The following PIEZO2 variants were observed in gnomAD, a reference collection of about 807,000 sequenced individuals.
PIEZO2 encodes the protein piezo-type mechanosensitive ion channel component 2.
PIEZO2 carries 172 observed loss-of-function variants against 337.3 expected under a neutral mutation model. That is an observed-to-expected ratio of 0.51 (90% CI 0.45 to 0.58). The LOEUF (loss-of-function observed/expected upper bound fraction) is 0.58, where lower values mean the gene tolerates loss of function less well. Among genes scored for constraint, PIEZO2 ranks in the 20% least tolerant of loss-of-function variants. The pLI, the probability that PIEZO2 is intolerant of heterozygous loss-of-function variation, is 0.00. For synonymous variants in PIEZO2, 1,251 were observed against 1,228.5 expected, an observed-to-expected ratio of 1.02 and a Z score of -0.38; for missense variants, 3,028 against 3,391.3, an observed-to-expected ratio of 0.89 and a Z score of 2.66.
chr18:10,731,215 A>ATATATCTATC (rs1290190163), intron 36 of PIEZO2, among the ~76,000 whole-genome samples, 192 bp downstream of exon 36: 1 of 128,722 alleles, frequency 7.8e-6, no homozygotes, highest in African/African-American at 2.9e-5. Context: ...ATATATATAT[A>ATATATCTATC]TATCTCCTAA....
At position 11,070,726 on chromosome 18, in the gene PIEZO2, C is replaced by T. The variant is rs891194840; in HGVS notation, c.65-4504G>A. On this transcript the variant is annotated intron_variant, in intron 1 of 55. Transcript: ENST00000674853. This position sits in a 1 kb window ranked among gnomAD's most constrained non-coding sequence, Gnocchi z 4.3. ...AGTCAACCTATGGAAGTGCAGTGAACGTGCTGCCACAACCAGGAAGCTGGA... is the reference window on the plus strand; with the variant it reads ...AGTCAACCTATGGAAGTGCAGTGAATGTGCTGCCACAACCAGGAAGCTGGA... 3.3e-5 allele frequency among the ~76,000 whole-genome samples: 5 copies of T among 152,172 alleles called. No homozygotes were observed. The highest frequency in any genetic ancestry group is 4.1e-4 in the South Asian group (2 of 4,826).
rs959175440 is a variant in PIEZO2, at chr18:11,009,897, G to A, written c.161-30237C>T. On this transcript the variant is annotated intron_variant, in intron 2 of 55. Transcript: ENST00000674853. The surrounding 1 kb of genome is among the most constrained non-coding windows in gnomAD (Gnocchi z 4.6). ...AAGACAGCCATCTGCGAGCCAAAGA[G>A]AGAGGCCTCAGGAGAAACCAAGCCT... Among the ~76,000 whole-genome samples, 1 of 152,120 alleles carries A rather than the reference G, an allele frequency of 6.6e-6. No individual in the cohort carries two copies. The highest frequency in any genetic ancestry group is 2.4e-5 in the African/African-American group (1 of 41,422).
At chr18:10,887,731 A>T (rs964340645) in intron 4 of PIEZO2, among the ~76,000 whole-genome samples, 20 of 152,292 alleles carry the variant, frequency 1.3e-4, no homozygotes, top group Admixed American at 1.2e-3. Context: ...ATTCTGGGAC[A>T]ACTCCTCAGT....
intron 48 of PIEZO2, 66 bp downstream of exon 48, chr18:10,691,159 A>G: frequency 2.0e-6 from 3 of 1,526,998 alleles, no homozygotes; most frequent in South Asian, 1.2e-5. Flanking sequence ...CCCAGTTGGG[A>G]ATCAAAATGC....
Position 10,677,808 on chromosome 18 carries a change from T to TA in PIEZO2, c.8019dup (p.Thr2674TyrfsTer7), listed in dbSNP as rs1567938176. 6.2e-7 allele frequency: 1 copy of TA among 1,611,062 alleles called. No homozygotes were observed. Among genetic ancestry groups the TA allele is most frequent in the Non-Finnish European group, 8.5e-7 (1 of 1,179,412 alleles). ...ATCATTTTAGCGATATTCTTTCGAG[T>TA]AATATTTTTAAGAGGAAAAGAAAGC... On this transcript the variant is annotated frameshift_variant, in exon 53 of 56. Transcript: ENST00000674853. LOFTEE classifies it high-confidence loss of function. The surrounding 1 kb of genome is among the most constrained non-coding windows in gnomAD (Gnocchi z 4.1).
rs1388273793 is a variant in PIEZO2, at chr18:10,775,722, C to A, written c.2535-1684G>T. On this transcript the variant is annotated intron_variant, in intron 18 of 55. Coordinates refer to ENST00000674853, the MANE Select transcript of PIEZO2 (RefSeq NM_001378183.1). The surrounding 1 kb of genome is among the most constrained non-coding windows in gnomAD (Gnocchi z 4.3). ...TCAATGAAAGAATCAGAGGAAGACA[C>A]TGGAGTAAGCCTTTTGGAAGTAGGT... Among the ~76,000 whole-genome samples the A allele has an allele frequency of 6.6e-6, 1 of 152,102 alleles. No individual in the cohort carries two copies. The highest frequency in any genetic ancestry group is 2.4e-5 in the African/African-American group (1 of 41,408).
At position 11,009,900 on chromosome 18, in the gene PIEZO2, AG is replaced by A. The variant is rs1465190502; in HGVS notation, c.161-30241del. ...ACAGCCATCTGCGAGCCAAAGAGAG[AG>A]GCCTCAGGAGAAACCAAGCCTCAAG... On this transcript the variant is annotated intron_variant, in intron 2 of 55. Coordinates refer to ENST00000674853, the MANE Select transcript of PIEZO2 (RefSeq NM_001378183.1). The surrounding 1 kb of genome is among the most constrained non-coding windows in gnomAD (Gnocchi z 4.6). Among the ~76,000 whole-genome samples the A allele has an allele frequency of 1.3e-5, 2 of 152,162 alleles. No individual in the cohort carries two copies. The highest frequency in any genetic ancestry group is 1.3e-4 in the Admixed American group (2 of 15,280).
rs1335789146 is a variant in PIEZO2, at chr18:10,674,973, G to A, written c.8161+236C>T. ...ATCAGTACTATAAGAAATTTGGTGC[G>A]AATATACGTCAATCAAGTTCCATAT... On this transcript the variant is annotated intron_variant, in intron 54 of 55. Coordinates refer to ENST00000674853, the MANE Select transcript of PIEZO2 (RefSeq NM_001378183.1). 4.6e-5 allele frequency among the ~76,000 whole-genome samples: 7 copies of A among 152,150 alleles called. No homozygotes were observed. In the South Asian group the frequency reaches 6.2e-4, roughly 14 times the overall value.
intron 32 of PIEZO2, among the ~76,000 whole-genome samples, chr18:10,742,155 A>T (rs921133748): frequency 4.6e-5 from 7 of 151,932 alleles, no homozygotes; most frequent in Non-Finnish European, 1.0e-4. Flanking sequence ...ACTCCGTCTC[A>T]AAAACAAAAC....
chr18:11,108,192 T>G (rs1234523498), intron 1 of PIEZO2, among the ~76,000 whole-genome samples: 1 of 152,148 alleles, frequency 6.6e-6, no homozygotes, highest in Non-Finnish European at 1.5e-5. Flanking sequence ...CAAAAAAAAG[T>G]GCCTCAAATT....
At chr18:10,948,845 C>T (rs1032065311) in intron 3 of PIEZO2, among the ~76,000 whole-genome samples, 1 of 152,136 alleles carries the variant, frequency 6.6e-6, no homozygotes, top group Admixed American at 6.6e-5. Context: ...TACACAAATA[C>T]ATTAAATGGT....
At chr18:10,725,556 G>A (rs367799109) in intron 36 of PIEZO2, 28 of 1,373,922 alleles carry the variant, frequency 2.0e-5, no homozygotes, top group Middle Eastern at 2.7e-4. Flanking sequence ...TCCCCCTTTT[G>A]TTTCTCCCCT....
At chr18:10,907,133 A>T (rs1431876733) in intron 4 of PIEZO2, among the ~76,000 whole-genome samples, 2 of 152,214 alleles carry the variant, frequency 1.3e-5, no homozygotes, top group Non-Finnish European at 2.9e-5. Context: ...CCATAAGAAC[A>T]GCATTAATCA....
Position 11,112,758 on chromosome 18 carries a change from G to A in PIEZO2, c.64+35767C>T, listed in dbSNP as rs954625393. 6.6e-6 allele frequency among the ~76,000 whole-genome samples: 1 copy of A among 152,178 alleles called. No individual in the cohort carries two copies. The highest frequency in any genetic ancestry group is 2.1e-4 in the South Asian group (1 of 4,822). ...GAGAAATGCATAATGCCACAGGACT[G>A]AACTGAAAATGTGGGCTCCTTCTCT... On this transcript the variant is annotated intron_variant, in intron 1 of 55. Transcript: ENST00000674853. This position sits in a 1 kb window ranked among gnomAD's most constrained non-coding sequence, Gnocchi z 4.3.
intron 45 of PIEZO2, 141 bp downstream of exon 45, chr18:10,697,607 G>T: frequency 9.1e-7 from 1 of 1,096,006 alleles, no homozygotes; most frequent in Non-Finnish European, 1.3e-6. Flanking sequence ...AAGACAAAAA[G>T]GGGTAATTTC....
intron 2 of PIEZO2, among the ~76,000 whole-genome samples, chr18:10,994,531 T>C (rs966426540): frequency 6.6e-6 from 1 of 151,306 alleles, no homozygotes; most frequent in African/African-American, 2.4e-5. Flanking sequence ...TGCCTCACCC[T>C]CCCAAGTAGC....
Position 10,828,443 on chromosome 18 carries a change from T to C in PIEZO2, c.918-21169A>G, listed in dbSNP as rs1209114160. On this transcript the variant is annotated intron_variant, in intron 7 of 55. Coordinates refer to ENST00000674853, the MANE Select transcript of PIEZO2 (RefSeq NM_001378183.1). The surrounding 1 kb of genome is among the most constrained non-coding windows in gnomAD (Gnocchi z 4.1). ...AAAGGTTGGGGATTTTGGTGCATTT[T>C]AACAGCTTCTTCAATTAAGGGATTC... 6.6e-6 allele frequency among the ~76,000 whole-genome samples: 1 copy of C among 152,194 alleles called. No homozygotes were observed.
At chr18:10,983,887 G>C (rs1274598570) in intron 2 of PIEZO2, among the ~76,000 whole-genome samples, 1 of 152,160 alleles carries the variant, frequency 6.6e-6, no homozygotes, top group Non-Finnish European at 1.5e-5. Flanking sequence ...CATTGCCTTA[G>C]GGAATATAAA....
intron 36 of PIEZO2, 66 bp from the exon 37 acceptor site, chr18:10,718,325 T>C: frequency 7.7e-7 from 1 of 1,306,510 alleles, no homozygotes; most frequent in South Asian, 1.3e-5. Context: ...CCAATGTTAC[T>C]CTTCTAGATT....
Sources: allele counts gnomAD v4.1 joint callset (sites outside exome capture counted in the v4.1 genomes callset), GRCh38; gene constraint gnomAD v4.1.1; non-coding constraint Gnocchi (gnomAD v3.1); transcripts MANE v1.5; gene names NCBI Gene and HGNC (gene_info 2026-07-23, HGNC 2026-07-21).